The following ZFP1 variants were observed in gnomAD, a reference collection of about 807,000 sequenced individuals.
ZFP1 encodes the protein ZFP1 zinc finger protein, also known as zinc finger protein 1 homolog.
ZFP1 carries 32 observed loss-of-function variants against 38.5 expected under a neutral mutation model. The ratio of observed to expected loss-of-function variants is 0.83; its 90% CI spans 0.63 to 1.12. ZFP1 has a LOEUF of 1.12. Among genes scored for constraint, ZFP1 ranks in the 50% most tolerant of loss-of-function variants. The pLI is 0.00. For synonymous variants in ZFP1, 245 were observed against 168.8 expected (o/e 1.45, Z -3.50); for missense variants, 616 against 480.8 (o/e 1.28, Z -2.63).
At chr16:75,120,434 C>A in the ZFP1 span, among the ~76,000 whole-genome samples, 3 of 152,072 alleles carry the variant, frequency 2.0e-5, no homozygotes, top group Non-Finnish European at 2.9e-5. Flanking sequence ...TATGCAATCC[C>A]CAGAGTGTAA....
the ZFP1 span, among the ~76,000 whole-genome samples, chr16:75,134,449 A>C: frequency 1.3e-5 from 2 of 152,086 alleles, no homozygotes; most frequent in South Asian, 4.1e-4. Flanking sequence ...TCCCCAAAAA[A>C]CATTTTTAAA....
chr16:75,125,608 C>A, the ZFP1 span, among the ~76,000 whole-genome samples: 1 of 151,946 alleles, frequency 6.6e-6, no homozygotes, highest in Non-Finnish European at 1.5e-5. Context: ...CAGGCCTGAG[C>A]CACCGTGCCC....
At chr16:75,149,788 A>G (rs1236226780) in intron 1 of ZFP1, among the ~76,000 whole-genome samples, 1 of 149,660 alleles carries the variant, frequency 6.7e-6, no homozygotes, top group Non-Finnish European at 1.5e-5. Context: ...TCAAATTTTT[A>G]TATCTTGTAT....
chr16:75,150,982 G>T (rs948057862), intron 1 of ZFP1, among the ~76,000 whole-genome samples: 4 of 151,848 alleles, frequency 2.6e-5, no homozygotes, highest in African/African-American at 9.7e-5. Flanking sequence ...CTCAGCCTCC[G>T]GAGTAGCTAG....
At chr16:75,119,708 T>A in the ZFP1 span, 1 of 152,244 alleles carries the variant, frequency 6.6e-6, no homozygotes, top group Non-Finnish European at 1.5e-5. Context: ...TTTGCTTAAC[T>A]GTTTTGTTGT....
the ZFP1 span, among the ~76,000 whole-genome samples, chr16:75,132,060 C>T: frequency 6.6e-6 from 1 of 151,962 alleles, no homozygotes; most frequent in Non-Finnish European, 1.5e-5. Context: ...CTGCAAGTTT[C>T]CCCCTTCCTT....
At chr16:75,136,327 C>G in the ZFP1 span, among the ~76,000 whole-genome samples, 5 of 152,146 alleles carry the variant, frequency 3.3e-5, no homozygotes, top group African/African-American at 9.7e-5. Flanking sequence ...GTACTGTACT[C>G]AAGTCAATGA....
At chr16:75,126,847 A>G in the ZFP1 span, among the ~76,000 whole-genome samples, 1 of 152,246 alleles carries the variant, frequency 6.6e-6, no homozygotes, top group Non-Finnish European at 1.5e-5. Flanking sequence ...AATGTTATTA[A>G]TAGGTTCTCT....
chr16:75,167,079 C>G (rs1030675481), intron 3 of ZFP1, among the ~76,000 whole-genome samples, 183 bp downstream of exon 3: 5 of 152,326 alleles, frequency 3.3e-5, no homozygotes, highest in Middle Eastern at 6.8e-3. Flanking sequence ...CTTCTGAAGT[C>G]CAGGCAATTA....
chr16:75,147,647 A>T (rs151295615), upstream of ZFP1, among the ~76,000 whole-genome samples: 165 of 152,150 alleles, frequency 1.1e-3, no homozygotes, highest in African/African-American at 3.9e-3. Context: ...CTGGTGTGGG[A>T]TATCAACTTT....
At chr16:75,135,725 G>A in the ZFP1 span, among the ~76,000 whole-genome samples, 1 of 150,736 alleles carries the variant, frequency 6.6e-6, no homozygotes. Flanking sequence ...GTACATACAT[G>A]ACATTGTGCA....
rs1250728470 is a variant in ZFP1, at chr16:75,171,460, A to T, written c.*1126A>T. ...ACTTCCTTGAGTTTTGCTGTTGCCA[A>T]CCTAAAACATTTCCCTTTGGAACAT... is the stretch of plus-strand genomic sequence containing the variant. On this transcript the variant is annotated 3_prime_UTR_variant, in exon 4 of 4. Transcript: ENST00000570010. 2 of 152,184 alleles carry T rather than the reference A, an allele frequency of 1.3e-5. No homozygotes were observed. Among genetic ancestry groups the T allele is most frequent in the African/African-American group, 4.8e-5 (2 of 41,438 alleles). 9.4% of individuals were successfully genotyped at this position (152,184 alleles called of 1,614,324 possible). A position where few individuals can be genotyped will look rare whatever the true frequency, so the allele number is the denominator to read the frequency against.
chr16:75,140,915 C>T, the ZFP1 span, among the ~76,000 whole-genome samples: 2 of 151,952 alleles, frequency 1.3e-5, no homozygotes, highest in African/African-American at 2.4e-5. Context: ...GCCGAGATCG[C>T]ACCACTGCAC....
At chr16:75,143,311 G>A in the ZFP1 span, among the ~76,000 whole-genome samples, 2 of 151,740 alleles carry the variant, frequency 1.3e-5, no homozygotes, top group African/African-American at 2.4e-5. Flanking sequence ...GTGTGATCTG[G>A]GCTCACTGCC....
intron 1 of ZFP1, chr16:75,149,241 A>C (rs533863960): frequency 6.6e-6 from 1 of 152,322 alleles, no homozygotes. Context: ...GATTTCCCTA[A>C]GGTCTCACAA....
At chr16:75,160,882 C>G (rs544090765) in intron 2 of ZFP1, among the ~76,000 whole-genome samples, 6 of 152,122 alleles carry the variant, frequency 3.9e-5, no homozygotes, top group African/African-American at 1.2e-4. Flanking sequence ...GGCTCCTAAC[C>G]CCGCTCACAA....
chr16:75,145,867 G>A (rs575968318), upstream of ZFP1, among the ~76,000 whole-genome samples: 4 of 152,248 alleles, frequency 2.6e-5, no homozygotes, highest in South Asian at 6.2e-4. Flanking sequence ...AAGAGGGCAG[G>A]GTGTAAAAGG....
At chr16:75,149,564 T>TTTC (rs1555520701) in intron 1 of ZFP1, among the ~76,000 whole-genome samples, 2 of 140,190 alleles carry the variant, frequency 1.4e-5, no homozygotes, top group African/African-American at 2.6e-5. Context: ...TTTCTTTTTT[T>TTTC]TTTTTTTTTT....
intron 2 of ZFP1, among the ~76,000 whole-genome samples, chr16:75,157,453 A>G (rs2037527566): frequency 6.6e-6 from 1 of 152,130 alleles, no homozygotes; most frequent in African/African-American, 2.4e-5. Flanking sequence ...CCTGTTGGCC[A>G]GGCTGGTCTT....
Sources: gnomAD v4.1 joint callset for allele counts (sites outside exome capture counted in the v4.1 genomes callset) on GRCh38, gnomAD v4.1.1 for gene constraint, MANE v1.5 for transcripts, NCBI Gene and HGNC (gene_info 2026-07-23, HGNC 2026-07-21) for gene names.